The following NOS1AP variants were observed in gnomAD, a reference collection of about 807,000 sequenced individuals.
The protein encoded by NOS1AP is nitric oxide synthase 1 adaptor protein.
Under a neutral mutation model 56.2 loss-of-function variants are expected in NOS1AP, and 21 were observed. The observed-to-expected ratio is 0.37, with a 90% CI of 0.26 to 0.54. The LOEUF (loss-of-function observed/expected upper bound fraction) is 0.54. NOS1AP is among the 20% of genes least tolerant of loss of function. The probability of loss-of-function intolerance (pLI) is 0.84; values close to 1 mark genes in which losing one functional copy is unlikely to be tolerated. For synonymous variants in NOS1AP, 270 were observed against 274.6 expected (o/e 0.98, Z 0.17); for missense variants, 522 against 657.8 (o/e 0.79, Z 2.26).
At chr1:162,249,969 T>C (rs1223273348) in intron 2 of NOS1AP, among the ~76,000 whole-genome samples, 1 of 152,176 alleles carries the variant, frequency 6.6e-6, no homozygotes, top group African/African-American at 2.4e-5. Context: ...GACATCCCTA[T>C]GTCACAAACT....
At chr1:162,143,053 C>A (rs1012039789) in intron 1 of NOS1AP, among the ~76,000 whole-genome samples, 25 of 136,356 alleles carry the variant, frequency 1.8e-4, no homozygotes, top group African/African-American at 6.3e-4. Flanking sequence ...TTCCTGGTCG[C>A]AACTTGCTCA....
At chr1:162,177,924 A>G (rs1052837308) in intron 2 of NOS1AP, among the ~76,000 whole-genome samples, 1 of 152,220 alleles carries the variant, frequency 6.6e-6, no homozygotes, top group African/African-American at 2.4e-5. Context: ...ACGAGTGTTT[A>G]ATGACATGTA....
chr1:162,226,063 G>A (rs896552244), intron 2 of NOS1AP, among the ~76,000 whole-genome samples: 1 of 152,188 alleles, frequency 6.6e-6, no homozygotes, highest in Non-Finnish European at 1.5e-5. Flanking sequence ...TGGGGCTGAG[G>A]TGGGCGAATC....
At chr1:162,109,853 G>C (rs1318557860) in intron 1 of NOS1AP, among the ~76,000 whole-genome samples, 1 of 152,080 alleles carries the variant, frequency 6.6e-6, no homozygotes, top group Non-Finnish European at 1.5e-5. Flanking sequence ...GACAACCCAA[G>C]TTTGCATCCC....
intron 2 of NOS1AP, among the ~76,000 whole-genome samples, chr1:162,204,741 G>A (rs1652108040): frequency 6.6e-6 from 1 of 152,230 alleles, no homozygotes; most frequent in African/African-American, 2.4e-5. Flanking sequence ...ACAGAGAAAT[G>A]TGTATGTCTA....
At chr1:162,333,221 AATGCCGAC>A (rs1656832488) in intron 5 of NOS1AP, 96 bp downstream of exon 5, 1 of 808,216 alleles carries the variant, frequency 1.2e-6, no homozygotes, top group East Asian at 2.6e-5. Flanking sequence ...CAGCTGTGGT[AATGCCGAC>A]ATGGGGCAAC....
At chr1:162,366,947 G>C in intron 9 of NOS1AP, 105 bp from the exon 10 acceptor site, 5 of 1,323,770 alleles carry the variant, frequency 3.8e-6, no homozygotes, top group Middle Eastern at 1.9e-4. Flanking sequence ...TGCTAAGCTG[G>C]TCTGGGAAGG....
At chr1:162,217,104 C>T (rs1363475965) in intron 2 of NOS1AP, among the ~76,000 whole-genome samples, 1 of 151,900 alleles carries the variant, frequency 6.6e-6, no homozygotes, top group Non-Finnish European at 1.5e-5. Flanking sequence ...TTGTGTGATG[C>T]ATACACCTAG....
intron 2 of NOS1AP, among the ~76,000 whole-genome samples, chr1:162,269,939 TAAGGGTGTTAATCTGC>T (rs1654535846): frequency 6.6e-6 from 1 of 152,200 alleles, no homozygotes; most frequent in Admixed American, 6.5e-5. Flanking sequence ...GCTGGTAGTC[TAAGGGTGTTAATCTGC>T]AAATGATAAA....
chr1:162,088,993 C>T lies in NOS1AP; in HGVS notation c.105+18711C>T, dbSNP rs548887613. Among the ~76,000 whole-genome samples, 33 of 152,284 alleles carry T rather than the reference C, an allele frequency of 2.2e-4. 1 individual carries two copies. The highest frequency in any genetic ancestry group is 7.2e-4 in the African/African-American group (30 of 41,552). On this transcript the variant is annotated intron_variant, in intron 1 of 9. Coordinates refer to ENST00000361897, the MANE Select transcript of NOS1AP (RefSeq NM_014697.3). ...CTTCCCCTTCATCTCTCTTCCACTC[C>T]TTGTGTATTTTGTGTCTCAGACCTG...
Position 162,363,768 on chromosome 1 carries a change from C to G in NOS1AP, c.940-1636C>G, listed in dbSNP as rs180832125. 3.0e-6 allele frequency: 3 copies of G among 984,232 alleles called. No homozygotes were observed. The East Asian group carries it at 3.4e-4, about 112-fold the overall frequency. The allele number at this position is 984,232 out of a possible 1,614,324, so 61.0% of individuals were successfully genotyped here. A position where few individuals can be genotyped will look rare whatever the true frequency, so the allele number is the denominator to read the frequency against. On this transcript the variant is annotated intron_variant, in intron 8 of 9. Coordinates refer to ENST00000361897, the MANE Select transcript of NOS1AP (RefSeq NM_014697.3). ...AGACCAAACATGTATTTCACTGTAT[C>G]ACACCTGTTCTCACCCCTCCCCAGA...
chr1:162,125,420 C>G (rs1446298832), intron 1 of NOS1AP, among the ~76,000 whole-genome samples: 2 of 152,156 alleles, frequency 1.3e-5, no homozygotes, highest in Non-Finnish European at 2.9e-5. Flanking sequence ...AGGCATGAGC[C>G]ACCGCGCCTG....
intron 4 of NOS1AP, among the ~76,000 whole-genome samples, chr1:162,325,174 G>C (rs543601498): frequency 1.3e-5 from 2 of 152,272 alleles, no homozygotes; most frequent in Non-Finnish European, 2.9e-5. Flanking sequence ...CAGCTGATGT[G>C]ATTAAAAAGC....
Position 162,188,391 on chromosome 1 carries a change from C to T in NOS1AP, c.177+33915C>T, listed in dbSNP as rs1440529029. 1.3e-5 allele frequency among the ~76,000 whole-genome samples: 2 copies of T among 152,116 alleles called. No homozygotes were observed. Among genetic ancestry groups the T allele is most frequent in the Non-Finnish European group, 2.9e-5 (2 of 68,030 alleles). ...GCTCACACACTGTCTCTTTATAGGC[C>T]ATTTCCATAATGCTTGATTAATGCT... On this transcript the variant is annotated intron_variant, in intron 2 of 9. Coordinates refer to ENST00000361897, the MANE Select transcript of NOS1AP (RefSeq NM_014697.3). This position sits in a 1 kb window ranked among gnomAD's most constrained non-coding sequence, Gnocchi z 4.0.
rs886169299 is a variant in NOS1AP at position 162,228,406 on chromosome 1, G to A, written c.178-58938G>A. On this transcript the variant is annotated intron_variant, in intron 2 of 9. Coordinates refer to ENST00000361897, the MANE Select transcript of NOS1AP (RefSeq NM_014697.3). ...GAATGGTGGAGATGAAGGAAATGAA[G>A]AGAAATGTGCCATCAGATGCCACTT... 5.5e-4 allele frequency among the ~76,000 whole-genome samples: 83 copies of A among 152,210 alleles called. 2 individuals carry two copies. The highest frequency in any genetic ancestry group is 1.3e-4 in the Non-Finnish European group (9 of 68,028).
chr1:162,094,735 T>G lies in NOS1AP; in HGVS notation c.105+24453T>G, dbSNP rs1692199965. On this transcript the variant is annotated intron_variant, in intron 1 of 9. Transcript: ENST00000361897. Reference sequence around the variant, plus strand: ...GATTCAGACAAGATCTCTCAGCTAGTTTAGGATTGAGCAGAGAGGATGCAA... The same window carrying G: ...GATTCAGACAAGATCTCTCAGCTAGGTTAGGATTGAGCAGAGAGGATGCAA... Among the ~76,000 whole-genome samples the G allele has an allele frequency of 2.0e-5, 3 of 152,136 alleles. No individual in the cohort carries two copies. In the South Asian group the frequency reaches 6.2e-4, roughly 32 times the overall value.
intron 3 of NOS1AP, among the ~76,000 whole-genome samples, chr1:162,288,424 T>C (rs1571192706): frequency 6.6e-6 from 1 of 151,810 alleles, no homozygotes; most frequent in Non-Finnish European, 1.5e-5. Flanking sequence ...AGTGTGGAGG[T>C]TATGGAAGCA....
intron 8 of NOS1AP, 71 bp downstream of exon 8, chr1:162,357,207 G>A (rs1301738959): frequency 9.0e-6 from 14 of 1,562,268 alleles, no homozygotes; most frequent in Non-Finnish European, 1.1e-5. Context: ...CCTAGCGAGG[G>A]GCTCAGGGCA....
At chr1:162,203,160 G>C (rs1355548409) in intron 2 of NOS1AP, among the ~76,000 whole-genome samples, 1 of 46,274 alleles carries the variant, frequency 2.2e-5, no homozygotes, top group African/African-American at 5.4e-5. Context: ...CATAAAAAAG[G>C]CTGTTTTTTT....
Sources: allele counts gnomAD v4.1 joint callset (sites outside exome capture counted in the v4.1 genomes callset), GRCh38; gene constraint gnomAD v4.1.1; non-coding constraint Gnocchi (gnomAD v3.1); transcripts MANE v1.5; gene names NCBI Gene and HGNC (gene_info 2026-07-23, HGNC 2026-07-21).